P2RY8: variants seen among roughly 807,000 people sequenced by gnomAD.
The protein encoded by P2RY8 is P2Y receptor family member 8.
Under a neutral mutation model 10.0 loss-of-function variants are expected in P2RY8, and 6 were observed. That is an observed-to-expected ratio of 0.60 (90% CI 0.33 to 1.19). P2RY8 has a LOEUF of 1.19. P2RY8 is among the 50% of genes most tolerant of loss of function. The pLI is 0.04. For missense variants in P2RY8, 456 were observed against 542.0 expected (o/e 0.84, Z 1.58); for synonymous variants, 276 against 252.5 (o/e 1.09, Z -0.88).
intron 1 of P2RY8, among the ~76,000 whole-genome samples, chrX:1,509,383 TCTATCTATCTA>T (rs2092273979): frequency 2.0e-5 from 2 of 99,496 alleles, no homozygotes; most frequent in Non-Finnish European, 5.2e-5. Context: ...ATTCTATCTA[TCTATCTATCTA>T]TCTATCTATC....
At chrX:1,509,963 A>G (rs776402664) in intron 1 of P2RY8, among the ~76,000 whole-genome samples, 1 of 75,000 alleles carries the variant, frequency 1.3e-5, no homozygotes, top group Admixed American at 1.1e-4. Flanking sequence ...AATATTATCT[A>G]TGCATCCATC....
chrX:1,516,354 GT>G (rs2092349060), intron 1 of P2RY8, among the ~76,000 whole-genome samples: 1 of 152,068 alleles, frequency 6.6e-6, no homozygotes, highest in African/African-American at 2.4e-5. Flanking sequence ...GGAGAAGACG[GT>G]GTCTACAAGC....
At chrX:1,532,415 A>G (rs2092483379) in intron 1 of P2RY8, among the ~76,000 whole-genome samples, 1 of 131,878 alleles carries the variant, frequency 7.6e-6, no homozygotes, top group South Asian at 2.5e-4. Flanking sequence ...TATGTATATG[A>G]TGTGTATATA....
Position 1,464,019 on chromosome X carries a change from G to A in P2RY8, c.*1460C>T, listed in dbSNP as rs777165930. 4.3e-6 allele frequency: 1 copy of A among 233,298 alleles called. No homozygotes were observed. Among genetic ancestry groups the A allele is most frequent in the Admixed American group, 5.6e-5 (1 of 17,798 alleles). The allele number at this position is 233,298 out of a possible 1,614,324, so 14.5% of individuals were successfully genotyped here. A position where few individuals can be genotyped will look rare whatever the true frequency, so the allele number is the denominator to read the frequency against. On this transcript the variant is annotated 3_prime_UTR_variant, in exon 2 of 2. Transcript: ENST00000381297. Reference sequence around the variant, plus strand: ...ACCATCTCTGTTTTCCTGCCATAGTGATGACGGCAGGAGAGAGGCACCAAT... The same window carrying A: ...ACCATCTCTGTTTTCCTGCCATAGTAATGACGGCAGGAGAGAGGCACCAAT...
intron 1 of P2RY8, among the ~76,000 whole-genome samples, chrX:1,510,717 A>G (rs1156340068): frequency 3.3e-5 from 5 of 152,060 alleles, no homozygotes; most frequent in African/African-American, 7.2e-5. Flanking sequence ...ATCTCTACTA[A>G]AAACACAAAA....
chrX:1,494,646 G>A (rs2092099538), intron 1 of P2RY8, among the ~76,000 whole-genome samples: 1 of 152,060 alleles, frequency 6.6e-6, no homozygotes, highest in South Asian at 2.1e-4. Context: ...TGGATATATT[G>A]GATATTACTT....
chrX:1,469,267 G>A (rs182136953), intron 1 of P2RY8, among the ~76,000 whole-genome samples: 6 of 149,328 alleles, frequency 4.0e-5, no homozygotes, highest in Admixed American at 6.7e-5. Flanking sequence ...TGCTTCAAGC[G>A]ATTCTCCTGC....
At chrX:1,479,214 G>A (rs1238526031) in intron 1 of P2RY8, among the ~76,000 whole-genome samples, 2 of 152,226 alleles carry the variant, frequency 1.3e-5, no homozygotes, top group Non-Finnish European at 2.9e-5. Context: ...GAGTTCGTTT[G>A]CTCTGGAGCC....
At chrX:1,534,067 TTATTTATATATAATATATTTACATATA>T (rs1217948317) in intron 1 of P2RY8, among the ~76,000 whole-genome samples, 38 of 127,832 alleles carry the variant, frequency 3.0e-4, no homozygotes, top group Non-Finnish European at 4.0e-4. Flanking sequence ...TATTTGTATA[TTATTTATATATAATATATTTACATATA>T]TATTTATATA....
chrX:1,516,144 C>T (rs1257138107), intron 1 of P2RY8, among the ~76,000 whole-genome samples: 15 of 150,964 alleles, frequency 9.9e-5, no homozygotes, highest in Non-Finnish European at 1.9e-4. Context: ...TTGCAGTGAG[C>T]GGAGGTTGCA....
chrX:1,477,469 T>C (rs1316702641), intron 1 of P2RY8, among the ~76,000 whole-genome samples: 2 of 152,230 alleles, frequency 1.3e-5, no homozygotes, highest in Non-Finnish European at 2.9e-5. Context: ...TTCATATCAA[T>C]TACCTACCAA....
intron 1 of P2RY8, among the ~76,000 whole-genome samples, chrX:1,521,944 CTTTTTTTT>C (rs751056296): frequency 1.2e-3 from 47 of 39,032 alleles, no homozygotes; most frequent in African/African-American, 3.4e-3. Context: ...CTCTCGCTCT[CTTTTTTTT>C]TTTTTTTTTT....
intron 1 of P2RY8, among the ~76,000 whole-genome samples, chrX:1,498,567 G>T (rs1180348314): frequency 6.6e-6 from 1 of 151,226 alleles, no homozygotes; most frequent in South Asian, 2.1e-4. Context: ...ACCCAGGCTA[G>T]AGTGCAGTGG....
At position 1,524,307 on chromosome X, in the gene P2RY8, C is replaced by G; in HGVS notation, c.-25+12614G>C. The stretch of plus-strand genomic sequence containing the variant: ...CCACTCATCCCTTTATTCACTCATT[C>G]ATCCGCTCATTCATTCCTCATCCAT... On this transcript the variant is annotated intron_variant, in intron 1 of 1. Coordinates refer to ENST00000381297, the MANE Select transcript of P2RY8 (RefSeq NM_178129.5). 2.8e-5 allele frequency among the ~76,000 whole-genome samples: 4 copies of G among 143,092 alleles called. 1 individual carries two copies. The highest frequency in any genetic ancestry group is 6.3e-5 in the Non-Finnish European group (4 of 63,350). 93.9% of individuals were successfully genotyped at this position (143,092 alleles called of 152,430 possible). A position where few individuals can be genotyped will look rare whatever the true frequency, so the allele number is the denominator to read the frequency against.
At chrX:1,521,289 G>A (rs2092389512) in intron 1 of P2RY8, among the ~76,000 whole-genome samples, 2 of 151,774 alleles carry the variant, frequency 1.3e-5, no homozygotes, top group Admixed American at 6.6e-5. Context: ...CTCGTCATCC[G>A]CCCGCCTTGG....
chrX:1,505,652 TG>T (rs1362325293), intron 1 of P2RY8, among the ~76,000 whole-genome samples: 1 of 152,020 alleles, frequency 6.6e-6, no homozygotes, highest in Non-Finnish European at 1.5e-5. Context: ...TAGCTGGGTG[TG>T]GTGGCGGGCG....
chrX:1,513,748 G>C (rs2092317681), intron 1 of P2RY8, among the ~76,000 whole-genome samples: 1 of 149,912 alleles, frequency 6.7e-6, no homozygotes, highest in Admixed American at 6.7e-5. Flanking sequence ...TTCCTTCTGG[G>C]AGGCTCTAAG....
chrX:1,533,355 A>G (rs1337892497), intron 1 of P2RY8, among the ~76,000 whole-genome samples: 1 of 147,552 alleles, frequency 6.8e-6, no homozygotes, highest in East Asian at 2.0e-4. Context: ...ATATATTCAT[A>G]TATTACATAT....
intron 1 of P2RY8, among the ~76,000 whole-genome samples, chrX:1,535,961 G>A (rs1331301344): frequency 6.6e-6 from 1 of 152,086 alleles, no homozygotes; most frequent in African/African-American, 2.4e-5. Flanking sequence ...GGTCTGAGGT[G>A]GCCGTGAGAC....
Sources: gnomAD v4.1 joint callset for allele counts (sites outside exome capture counted in the v4.1 genomes callset) on GRCh38, gnomAD v4.1.1 for gene constraint, MANE v1.5 for transcripts, NCBI Gene and HGNC (gene_info 2026-07-23, HGNC 2026-07-21) for gene names.